CXCL12: variants seen among roughly 807,000 people sequenced by gnomAD.
CXCL12 encodes C-X-C motif chemokine ligand 12.
Under a neutral mutation model 10.7 loss-of-function variants are expected in CXCL12, and 4 were observed. That is an observed-to-expected ratio of 0.37 (90% CI 0.18 to 0.86). CXCL12 has a LOEUF of 0.86. Among genes scored for constraint, CXCL12 ranks in the 40% least tolerant of loss-of-function variants. The probability of loss-of-function intolerance (pLI) is 0.43; values close to 1 mark genes in which losing one functional copy is unlikely to be tolerated. For synonymous variants in CXCL12, 54 were observed against 45.4 expected, an observed-to-expected ratio of 1.19 and a Z score of -0.77; for missense variants, 122 against 110.4, an observed-to-expected ratio of 1.10 and a Z score of -0.47.
chr10:44,375,979 C>T (rs190476062), downstream of CXCL12: 20 of 1,613,702 alleles, frequency 1.2e-5, no homozygotes, highest in African/African-American at 5.3e-5. Context: ...CTTCTTCTGT[C>T]GCTTCTTTTT....
At position 44,378,421 on chromosome 10, in the gene CXCL12, T is replaced by C; in HGVS notation, c.*212A>G. ...TGCACAGGTACAGGGCATGGATGAA[T>C]ATAAGCTGCAATATCATACCGTATG... On this transcript the variant is annotated 3_prime_UTR_variant, in exon 3 of 3. Coordinates refer to ENST00000343575, the MANE Select transcript of CXCL12 (RefSeq NM_199168.4). 3.9e-6 allele frequency: 6 copies of C among 1,551,682 alleles called. No homozygotes were observed. Among genetic ancestry groups the C allele is most frequent in the Non-Finnish European group, 2.6e-6 (3 of 1,151,666 alleles).
intron 2 of CXCL12, among the ~76,000 whole-genome samples, chr10:44,378,981 C>A (rs918876054): frequency 2.0e-5 from 3 of 151,826 alleles, no homozygotes; most frequent in Non-Finnish European, 4.4e-5. Flanking sequence ...TGTAAGGGAG[C>A]ATTTGAGCTG....
chr10:44,384,806 C>G (rs1479470176), intron 1 of CXCL12, 139 bp downstream of exon 1: 2 of 806,122 alleles, frequency 2.5e-6, no homozygotes, highest in East Asian at 3.3e-5. Context: ...CACCAGAGCG[C>G]CCAGCTAAGC....
chr10:44,384,284 A>G (rs1839728458), intron 1 of CXCL12, among the ~76,000 whole-genome samples: 2 of 152,080 alleles, frequency 1.3e-5, no homozygotes, highest in South Asian at 2.1e-4. Flanking sequence ...ACGCGCGCCC[A>G]GGTCCGCGTC....
In CXCL12 at chr10:44,377,875, C is replaced by T. The variant is rs1163330758; in HGVS notation, c.*758G>A. On this transcript the variant is annotated 3_prime_UTR_variant, in exon 3 of 3. Transcript: ENST00000343575. ...GCAGGGCACGAGCCCCAGCAATCACCCTCTTCCCGGCTGGTGCGGCGCTGA... is the reference window on the plus strand; with the variant it reads ...GCAGGGCACGAGCCCCAGCAATCACTCTCTTCCCGGCTGGTGCGGCGCTGA... The T allele has an allele frequency of 1.9e-6, 3 of 1,580,970 alleles. No individual in the cohort carries two copies. Among genetic ancestry groups the T allele is most frequent in the African/African-American group, 1.3e-5 (1 of 74,462 alleles).
At position 44,378,673 on chromosome 10, in the gene CXCL12, T is replaced by C. The variant is rs1337667602; in HGVS notation, c.230A>G (p.Lys77Arg). ...TTTCTCCAGGTACTCCTGAATCCAC[T>C]TTAGCTTCGGGTCAATGCACACTTG... The part of the protein sequence containing the change: ...NRQVCIDPKL[K>R]WIQEYLEKAL... Residue 77 changes from lysine (K) to arginine (R), a missense_variant, in exon 3 of 3, where the codon AAG becomes AGG. Lys to Arg is a conservative substitution (Grantham distance 26, BLOSUM62 2). Transcript: ENST00000343575. 6.2e-7 allele frequency: 1 copy of C among 1,614,224 alleles called. No homozygotes were observed. Among genetic ancestry groups the C allele is most frequent in the South Asian group, 1.1e-5 (1 of 91,082 alleles).
At chr10:44,375,822 C>T (rs1214207811), downstream of CXCL12, 6 of 1,535,784 alleles carry the variant, frequency 3.9e-6, no homozygotes, top group African/African-American at 2.8e-5. Context: ...ACTGCTCCCC[C>T]ACGGAAGTCT....
chr10:44,380,541 C>G (rs754818407), intron 2 of CXCL12: 18 of 546,274 alleles, frequency 3.3e-5, no homozygotes, highest in Non-Finnish European at 4.0e-5. Context: ...AGAACTACTA[C>G]GAGCACAGCA....
downstream of CXCL12, chr10:44,372,814 C>T: frequency 1.4e-6 from 2 of 1,479,638 alleles, no homozygotes. Context: ...AGACCCGGCT[C>T]CCATGTGGAT....
At position 44,378,019 on chromosome 10, in the gene CXCL12, A is replaced by G. The variant is rs1272524884; in HGVS notation, c.*614T>C. On this transcript the variant is annotated 3_prime_UTR_variant, in exon 3 of 3. Coordinates refer to ENST00000343575, the MANE Select transcript of CXCL12 (RefSeq NM_199168.4). ...CAGTCCCAGTAATAGTGGCTTCTACATGGAGCCCACAGAGCCAATCACTGA... is the reference window on the plus strand; with the variant it reads ...CAGTCCCAGTAATAGTGGCTTCTACGTGGAGCCCACAGAGCCAATCACTGA... 1 of 1,496,558 alleles carries G rather than the reference A, an allele frequency of 6.7e-7. No homozygotes were observed. The highest frequency in any genetic ancestry group is 2.6e-5 in the Admixed American group (1 of 38,628). The allele number at this position is 1,496,558 out of a possible 1,614,324, so 92.7% of individuals were successfully genotyped here. A position where few individuals can be genotyped will look rare whatever the true frequency, so the allele number is the denominator to read the frequency against.
rs17881591 is a variant in CXCL12 at position 44,382,226 on chromosome 10, ATCTAAC to A, written c.62-1352_62-1347del. On this transcript the variant is annotated intron_variant, in intron 1 of 2. Transcript: ENST00000343575. ...AAGGCAGCCTTCACAGTTACACCTG[ATCTAAC>A]TCCAGAAAGGCACCTCTGGGGCCAG... 3.1e-3 allele frequency among the ~76,000 whole-genome samples: 466 copies of A among 152,292 alleles called. 4 individuals carry two copies. The highest frequency in any genetic ancestry group is 0.011 in the African/African-American group (442 of 41,554).
downstream of CXCL12, chr10:44,372,956 G>A (rs1384755332): frequency 6.5e-7 from 1 of 1,535,912 alleles, no homozygotes; most frequent in Admixed American, 2.0e-5. Flanking sequence ...TCCACCCTAG[G>A]GCTGACCATG....
intron 1 of CXCL12, among the ~76,000 whole-genome samples, chr10:44,381,245 A>G (rs1006670996): frequency 2.0e-5 from 3 of 152,246 alleles, no homozygotes; most frequent in Non-Finnish European, 2.9e-5. Flanking sequence ...TTTGTAAAAA[A>G]AATTCCTCAA....
downstream of CXCL12, chr10:44,373,416 C>CG (rs1839369316): frequency 2.2e-6 from 3 of 1,349,918 alleles, no homozygotes; most frequent in Non-Finnish European, 3.1e-6. Flanking sequence ...AGAAGGACAG[C>CG]GGCCTGCGCG....
At chr10:44,375,818 C>T (rs1365777358), downstream of CXCL12, 1 of 1,523,320 alleles carries the variant, frequency 6.6e-7, no homozygotes, top group Non-Finnish European at 8.8e-7. Flanking sequence ...AAGCACTGCT[C>T]CCCCACGGAA....
At chr10:44,382,445 G>T (rs1839660564) in intron 1 of CXCL12, among the ~76,000 whole-genome samples, 1 of 152,212 alleles carries the variant, frequency 6.6e-6, no homozygotes, top group Non-Finnish European at 1.5e-5. Context: ...GGCAGGGGGT[G>T]GGTTGGGGGT....
rs1839485607 is a variant in CXCL12, at chr10:44,377,342, T to A, written c.*1291A>T. ...TTCATATGGCTCCACTTCAAATATA[T>A]GAATTGTTCGACTATAAATATATTT... On this transcript the variant is annotated 3_prime_UTR_variant, in exon 3 of 3. Transcript: ENST00000343575. 1 of 1,049,124 alleles carries A rather than the reference T, an allele frequency of 9.5e-7. No homozygotes were observed. The highest frequency in any genetic ancestry group is 5.1e-5 in the Admixed American group (1 of 19,726). 65.0% of individuals were successfully genotyped at this position (1,049,124 alleles called of 1,614,324 possible).
intron 1 of CXCL12, 28 bp downstream of exon 1, chr10:44,384,917 C>T (rs1422221688): frequency 2.0e-6 from 3 of 1,535,956 alleles, no homozygotes; most frequent in Non-Finnish European, 1.7e-6. Context: ...CAGAGCCTCG[C>T]CAGGGCCTCC....
chr10:44,377,983 G>T lies in CXCL12; in HGVS notation c.*650C>A. Reference sequence around the variant, plus strand: ...GAGAGTAGGAATAGCTGGGAGAGGGGTCTCTGAGCACAGTCCCAGTAATAG... The same window carrying T: ...GAGAGTAGGAATAGCTGGGAGAGGGTTCTCTGAGCACAGTCCCAGTAATAG... On this transcript the variant is annotated 3_prime_UTR_variant, in exon 3 of 3. Coordinates refer to ENST00000343575, the MANE Select transcript of CXCL12 (RefSeq NM_199168.4). 1.3e-6 allele frequency: 2 copies of T among 1,515,430 alleles called. No individual in the cohort carries two copies. The highest frequency in any genetic ancestry group is 1.8e-6 in the Non-Finnish European group (2 of 1,142,314). The allele number at this position is 1,515,430 out of a possible 1,614,324, so 93.9% of individuals were successfully genotyped here. A position where few individuals can be genotyped will look rare whatever the true frequency, so the allele number is the denominator to read the frequency against.
Sources: allele counts gnomAD v4.1 joint callset (sites outside exome capture counted in the v4.1 genomes callset), GRCh38; gene constraint gnomAD v4.1.1; transcripts MANE v1.5; gene names NCBI Gene and HGNC (gene_info 2026-07-23, HGNC 2026-07-21).